The following FRYL variants were observed in gnomAD, a reference collection of about 807,000 sequenced individuals.
FRYL encodes protein furry homolog-like.
Under a neutral mutation model 351.2 loss-of-function variants are expected in FRYL, and 150 were observed. The observed-to-expected ratio is 0.43, with a 90% CI of 0.37 to 0.49. FRYL has a LOEUF of 0.49. Among genes scored for constraint, FRYL ranks in the 20% least tolerant of loss-of-function variants. The pLI, the probability that FRYL is intolerant of heterozygous loss-of-function variation, is 0.00. For missense variants in FRYL, 3,036 were observed against 3,619.3 expected (o/e 0.84, Z 4.13); for synonymous variants, 1,153 against 1,257.1 (o/e 0.92, Z 1.75).
intron 47 of FRYL, 111 bp from the exon 48 acceptor site, chr4:48,535,938 T>C (rs1728781043): frequency 1.1e-5 from 9 of 846,270 alleles, no homozygotes; most frequent in Non-Finnish European, 1.5e-5. Flanking sequence ...ATATTGGTTT[T>C]AATGCATTTT....
At chr4:48,713,048 C>T (rs1768287008) in intron 1 of FRYL, among the ~76,000 whole-genome samples, 2 of 151,924 alleles carry the variant, frequency 1.3e-5, no homozygotes. Flanking sequence ...CTGTCACCAC[C>T]AGGCCTGCCC....
chr4:48,662,382 C>A (rs1760916557), intron 3 of FRYL, among the ~76,000 whole-genome samples: 1 of 151,974 alleles, frequency 6.6e-6, no homozygotes, highest in Non-Finnish European at 1.5e-5. Flanking sequence ...CTACTACCTG[C>A]AGCCTGGGCA....
chr4:48,670,447 C>T (rs977733728), intron 3 of FRYL, among the ~76,000 whole-genome samples: 14 of 149,778 alleles, frequency 9.3e-5, no homozygotes, highest in African/African-American at 2.4e-4. Flanking sequence ...TATATATATA[C>T]ATATACATAT....
chr4:48,552,067 G>T (rs1368402674), intron 36 of FRYL, among the ~76,000 whole-genome samples: 1 of 152,086 alleles, frequency 6.6e-6, no homozygotes, highest in Non-Finnish European at 1.5e-5. Context: ...CTGAACTAGG[G>T]CACGCCATGT....
intron 3 of FRYL, among the ~76,000 whole-genome samples, chr4:48,647,929 T>C (rs2149418523): frequency 6.6e-6 from 1 of 152,294 alleles, no homozygotes; most frequent in African/African-American, 2.4e-5. Flanking sequence ...GAAACTGATG[T>C]CAATGAGAAT....
rs1343875367 is a variant in FRYL at position 48,499,466 on chromosome 4, C to T, written c.8998G>A (p.Ala3000Thr). The T allele has an allele frequency of 6.2e-7, 1 of 1,614,028 alleles. No homozygotes were observed. ...ATATTTCCCATTGGTTTGGCCTGTGCTAGAAGTTGGTATGATTGCACCATG... is the reference window on the plus strand; with the variant it reads ...ATATTTCCCATTGGTTTGGCCTGTGTTAGAAGTTGGTATGATTGCACCATG... ...LRMVQSYQLL[A>T]QAKPMGNMVS... The change falls in exon 64 of 64, where the codon GCA (alanine) becomes ACA (threonine). Residue 3000 changes from alanine to threonine, a missense_variant. Ala to Thr is a moderately conservative substitution (Grantham distance 58). Coordinates refer to ENST00000358350, the MANE Select transcript of FRYL (RefSeq NM_015030.2).
intron 26 of FRYL, among the ~76,000 whole-genome samples, 172 bp downstream of exon 26, chr4:48,573,014 C>T (rs1265429694): frequency 2.0e-5 from 3 of 152,110 alleles, no homozygotes; most frequent in East Asian, 1.9e-4. Context: ...ATTTTTCATC[C>T]GTTTTACATA....
At chr4:48,603,032 T>C (rs2149255013) in intron 12 of FRYL, among the ~76,000 whole-genome samples, 1 of 152,330 alleles carries the variant, frequency 6.6e-6, no homozygotes, top group South Asian at 2.1e-4. Flanking sequence ...TCTTAGAACA[T>C]ATTTCCATCA....
chr4:48,653,410 C>T lies in FRYL; in HGVS notation c.-80-18920G>A, dbSNP rs145688175. On this transcript the variant is annotated intron_variant, in intron 3 of 63. Coordinates refer to ENST00000358350, the MANE Select transcript of FRYL (RefSeq NM_015030.2). The stretch of plus-strand genomic sequence containing the variant: ...GAATCTATTTGTGGTCTTCTTCCCC[C>T]GTCCCACACCCCGCCCCCCATTTAT... Among the ~76,000 whole-genome samples, 12 of 152,156 alleles carry T rather than the reference C, an allele frequency of 7.9e-5. No individual in the cohort carries two copies. In the East Asian group the frequency reaches 9.7e-4, roughly 12 times the overall value.
intron 3 of FRYL, among the ~76,000 whole-genome samples, chr4:48,664,760 G>A (rs999466817): frequency 1.3e-5 from 2 of 152,122 alleles, no homozygotes; most frequent in African/African-American, 4.8e-5. Context: ...CACACTTAAT[G>A]AATTCAGCTG....
intron 3 of FRYL, among the ~76,000 whole-genome samples, chr4:48,638,770 T>C (rs1754758273): frequency 6.6e-6 from 1 of 152,156 alleles, no homozygotes; most frequent in Non-Finnish European, 1.5e-5. Context: ...TGGAATACTA[T>C]GCAGCCATAA....
At chr4:48,592,081 C>CTT (rs1163460929) in intron 16 of FRYL, among the ~76,000 whole-genome samples, 4 of 24,804 alleles carry the variant, frequency 1.6e-4, no homozygotes, top group Non-Finnish European at 3.1e-4. Context: ...AAATAAAGCT[C>CTT]TTATATATAT....
At chr4:48,647,962 T>C (rs1314028101) in intron 3 of FRYL, among the ~76,000 whole-genome samples, 1 of 152,184 alleles carries the variant, frequency 6.6e-6, no homozygotes, top group East Asian at 1.9e-4. Context: ...ACAAAATTAG[T>C]TGTGCAAACA....
intron 1 of FRYL, among the ~76,000 whole-genome samples, chr4:48,765,329 G>A (rs1281352030): frequency 6.6e-6 from 1 of 152,068 alleles, no homozygotes; most frequent in African/African-American, 2.4e-5. Flanking sequence ...ACAAAATAGA[G>A]AGCCCAGAAA....
intron 22 of FRYL, 156 bp downstream of exon 22, chr4:48,580,709 G>A (rs1430029746): frequency 2.0e-6 from 1 of 498,178 alleles, no homozygotes; most frequent in Non-Finnish European, 3.5e-6. Flanking sequence ...CACTTTTTAA[G>A]TACTACTCTT....
At chr4:48,539,538 C>T (rs559106037) in intron 47 of FRYL, among the ~76,000 whole-genome samples, 27 of 152,110 alleles carry the variant, frequency 1.8e-4, no homozygotes, top group South Asian at 1.0e-3. Flanking sequence ...CCCCCTGCCC[C>T]GATAAAATAC....
chr4:48,649,205 T>G (rs900011817), intron 3 of FRYL, among the ~76,000 whole-genome samples: 3 of 152,206 alleles, frequency 2.0e-5, no homozygotes, highest in African/African-American at 7.2e-5. Context: ...GAATGTATAA[T>G]GTGCTTTTTG....
rs1718841394 is a variant in FRYL, at chr4:48,498,358, T to C, written c.*1064A>G. On this transcript the variant is annotated 3_prime_UTR_variant, in exon 64 of 64. Coordinates refer to ENST00000358350, the MANE Select transcript of FRYL (RefSeq NM_015030.2). ...CATCATCAATGACCACAATTTTTCT[T>C]TAGCTTTGTACACCTATTCTTGTAT... 6.6e-6 allele frequency: 1 copy of C among 152,268 alleles called. No individual in the cohort carries two copies. The highest frequency in any genetic ancestry group is 2.1e-4 in the South Asian group (1 of 4,830). The allele number at this position is 152,268 out of a possible 1,614,324, so 9.4% of individuals were successfully genotyped here. A position where few individuals can be genotyped will look rare whatever the true frequency, so the allele number is the denominator to read the frequency against.
At chr4:48,519,753 G>A (rs1183987935) in intron 55 of FRYL, among the ~76,000 whole-genome samples, 1 of 149,890 alleles carries the variant, frequency 6.7e-6, no homozygotes, top group Admixed American at 6.6e-5. Flanking sequence ...TTTTTTCTTT[G>A]GGACAGAGTC....
Sources: allele counts gnomAD v4.1 joint callset (sites outside exome capture counted in the v4.1 genomes callset), GRCh38; gene constraint gnomAD v4.1.1; transcripts MANE v1.5; gene names NCBI Gene and HGNC (gene_info 2026-07-23, HGNC 2026-07-21).